Variants in THSD1 observed in about 807,000 individuals in gnomAD.
THSD1 encodes the protein thrombospondin type 1 domain containing 1.
In THSD1, 34 loss-of-function variants were observed where a neutral mutation model predicts 46.3. The observed-to-expected ratio is 0.74, with a 90% CI of 0.56 to 0.98. The LOEUF is 0.98. THSD1 is among the 50% of genes least tolerant of loss of function. The probability of loss-of-function intolerance (pLI) is 0.00; values close to 1 mark genes in which losing one functional copy is unlikely to be tolerated. For synonymous variants in THSD1, 407 were observed against 416.5 expected, an observed-to-expected ratio of 0.98 and a Z score of 0.28; for missense variants, 1,023 against 1,058.3, an observed-to-expected ratio of 0.97 and a Z score of 0.46.
intron 3 of THSD1, among the ~76,000 whole-genome samples, chr13:52,388,839 T>C (rs1459715798): frequency 2.0e-5 from 3 of 152,120 alleles, no homozygotes; most frequent in African/African-American, 7.2e-5. Flanking sequence ...ACACAAAGAA[T>C]GGGAGGAGTG....
Position 52,397,963 on chromosome 13 carries a change from C to T in THSD1, c.290G>A (p.Gly97Asp). 1 of 1,614,238 alleles carries T rather than the reference C, an allele frequency of 6.2e-7. No homozygotes were observed. The highest frequency in any genetic ancestry group is 2.2e-5 in the East Asian group (1 of 44,886). Residue 97 changes from glycine to aspartate, a missense_variant, in exon 3 of 5, where the codon GGT (glycine) becomes GAT (aspartate). By Grantham distance (94) the Gly-to-Asp change is moderately conservative. Coordinates refer to ENST00000258613, the MANE Select transcript of THSD1 (RefSeq NM_018676.4). ...KFECFYFKEA[G>D]DYWFTMTPEA... is the part of the protein sequence containing the mutation. Reference sequence around the variant, plus strand: ...TGGAGTCATTGTGAACCAGTAGTCACCAGCCTCCTTGAAATAGAAGCACTC... The same window carrying T: ...TGGAGTCATTGTGAACCAGTAGTCATCAGCCTCCTTGAAATAGAAGCACTC...
At chr13:52,379,533 A>C (rs1957674952) in intron 4 of THSD1, among the ~76,000 whole-genome samples, 1 of 151,702 alleles carries the variant, frequency 6.6e-6, no homozygotes, top group Non-Finnish European at 1.5e-5. Flanking sequence ...GCACAGTGGC[A>C]CGATCTCGGC....
chr13:52,404,925 A>C (rs1239012640), intron 1 of THSD1, among the ~76,000 whole-genome samples: 3 of 152,214 alleles, frequency 2.0e-5, no homozygotes, highest in Non-Finnish European at 4.4e-5. Flanking sequence ...AAGACTTATA[A>C]AACAGACCAG....
intron 1 of THSD1, chr13:52,403,081 C>A: frequency 2.0e-6 from 1 of 510,144 alleles, no homozygotes; most frequent in South Asian, 8.5e-5. Flanking sequence ...TTCTGCTAAA[C>A]TTTAATTTAG....
chr13:52,377,767 A>G lies in THSD1; in HGVS notation c.2203T>C (p.Leu735=). The G allele has an allele frequency of 6.2e-7, 1 of 1,614,134 alleles. No homozygotes were observed. The part of the protein sequence containing the change: ...LPKSYTLGQP[L]RKPDLGDHQA... ...TGATCCCCAAGGTCTGGTTTCCTCA[A>G]GGGCTGCCCCAAAGTGTAGGATTTA... The change falls in exon 5 of 5, where the codon TTG becomes CTG. Residue 735 remains leucine (L), a synonymous_variant. Transcript: ENST00000258613.
At chr13:52,383,825 A>C (rs961136885) in intron 4 of THSD1, among the ~76,000 whole-genome samples, 3 of 152,240 alleles carry the variant, frequency 2.0e-5, no homozygotes, top group African/African-American at 7.2e-5. Context: ...AGGACCATTT[A>C]CAGTAGGGGC....
intron 4 of THSD1, among the ~76,000 whole-genome samples, chr13:52,383,858 T>C (rs908587184): frequency 6.6e-6 from 1 of 152,186 alleles, no homozygotes; most frequent in Non-Finnish European, 1.5e-5. Context: ...AGGACTTACC[T>C]TTTTGCTAAC....
At chr13:52,404,328 A>G (rs953988331) in intron 1 of THSD1, among the ~76,000 whole-genome samples, 1 of 152,176 alleles carries the variant, frequency 6.6e-6, no homozygotes, top group Non-Finnish European at 1.5e-5. Flanking sequence ...AAATTAGTGG[A>G]ATTAAGAAGA....
At chr13:52,383,061 T>C (rs1254568011) in intron 4 of THSD1, among the ~76,000 whole-genome samples, 1 of 151,982 alleles carries the variant, frequency 6.6e-6, no homozygotes, top group African/African-American at 2.4e-5. Flanking sequence ...GGATTGTCAC[T>C]CCTGAAAGCT....
chr13:52,378,431 G>C lies in THSD1; in HGVS notation c.1539C>G (p.Ser513Arg). The C allele has an allele frequency of 6.2e-7, 1 of 1,614,112 alleles. No homozygotes were observed. Residue 513 changes from serine to arginine, a missense_variant, in exon 5 of 5, where the codon AGC becomes AGG. Physicochemically the swap from Ser to Arg is moderately radical, Grantham distance 110. Transcript: ENST00000258613. ...PVPPEDDASG[S>R]ESFQSNAQKI... ...TCTGGGCGTTGGACTGGAAGCTCTCGCTGCCAGAGGCATCATCCTCGGGAG... is the reference window on the plus strand; with the variant it reads ...TCTGGGCGTTGGACTGGAAGCTCTCCCTGCCAGAGGCATCATCCTCGGGAG...
chr13:52,402,363 T>C (rs1265192914), intron 2 of THSD1, among the ~76,000 whole-genome samples, 180 bp downstream of exon 2: 1 of 152,176 alleles, frequency 6.6e-6, no homozygotes, highest in Non-Finnish European at 1.5e-5. Context: ...TACGAATCAA[T>C]CATGCAGAAT....
rs895799056 is a variant in THSD1, at chr13:52,382,837, C to T, written c.1180+3191G>A. ...CCAACATGGTGAAGCCTCGTCTCTA[C>T]TAAAAATACAAAAACTTAGCCGGGT... is the stretch of plus-strand genomic sequence containing the variant. On this transcript the variant is annotated intron_variant, in intron 4 of 4. Coordinates refer to ENST00000258613, the MANE Select transcript of THSD1 (RefSeq NM_018676.4). 7.2e-5 allele frequency among the ~76,000 whole-genome samples: 11 copies of T among 152,162 alleles called. 1 individual carries two copies. Among genetic ancestry groups the T allele is most frequent in the African/African-American group, 2.6e-4 (11 of 41,518 alleles).
Position 52,378,367 on chromosome 13 carries a change from G to T in THSD1, c.1603C>A (p.Gln535Lys), listed in dbSNP as rs1957657275. 1 of 1,613,990 alleles carries T rather than the reference G, an allele frequency of 6.2e-7. No homozygotes were observed. Among genetic ancestry groups the T allele is most frequent in the African/African-American group, 1.3e-5 (1 of 74,920 alleles). ...TTCTTTTTCATCTCCTTTAACTGCTGCTGGGCAAGGCGGTAGCTGAACAGA... is the reference window on the plus strand; with the variant it reads ...TTCTTTTTCATCTCCTTTAACTGCTTCTGGGCAAGGCGGTAGCTGAACAGA... ...PPLFSYRLAQ[Q>K]QLKEMKKKGL... The change falls in exon 5 of 5, where the codon CAG becomes AAG. Residue 535 changes from glutamine to lysine, a missense_variant. Gln to Lys is a moderately conservative substitution (Grantham distance 53). Transcript: ENST00000258613.
intron 3 of THSD1, among the ~76,000 whole-genome samples, chr13:52,396,563 G>A (rs186094267): frequency 3.3e-5 from 5 of 152,130 alleles, no homozygotes; most frequent in Middle Eastern, 3.4e-3. Flanking sequence ...AAAAACGAAC[G>A]AGACCATTTC....
intron 4 of THSD1, among the ~76,000 whole-genome samples, chr13:52,382,237 T>C (rs781503417): frequency 2.6e-5 from 4 of 152,180 alleles, no homozygotes; most frequent in Non-Finnish European, 5.9e-5. Flanking sequence ...CTCAAAGGAA[T>C]GGAATCACAG....
At chr13:52,383,395 C>T (rs969545685) in intron 4 of THSD1, among the ~76,000 whole-genome samples, 12 of 152,218 alleles carry the variant, frequency 7.9e-5, no homozygotes, top group Admixed American at 7.8e-4. Flanking sequence ...TACATTCAGA[C>T]CTTGGCATAA....
intron 1 of THSD1, among the ~76,000 whole-genome samples, chr13:52,405,397 G>A (rs1052390870): frequency 6.6e-6 from 1 of 152,222 alleles, no homozygotes; most frequent in South Asian, 2.1e-4. Context: ...TGTCCCTTCT[G>A]ACCAACATGC....
intron 3 of THSD1, among the ~76,000 whole-genome samples, chr13:52,394,880 A>G (rs1283704078): frequency 6.6e-6 from 1 of 152,202 alleles, no homozygotes; most frequent in Non-Finnish European, 1.5e-5. Flanking sequence ...AAAGATATTA[A>G]ACAAGCAATG....
At chr13:52,402,463 T>G in intron 2 of THSD1, 80 bp downstream of exon 2, 1 of 1,391,674 alleles carries the variant, frequency 7.2e-7, no homozygotes, top group African/African-American at 1.4e-5. Context: ...TCAGGAAGAG[T>G]CATCAACATC....
Sources: allele counts gnomAD v4.1 joint callset (sites outside exome capture counted in the v4.1 genomes callset), GRCh38; gene constraint gnomAD v4.1.1; transcripts MANE v1.5; gene names NCBI Gene and HGNC (gene_info 2026-07-23, HGNC 2026-07-21).